Variants in SCAPER observed in about 807,000 individuals in gnomAD.
The protein encoded by SCAPER is S-phase cyclin A associated protein in the ER, also known as S phase cyclin A-associated protein in the endoplasmic reticulum.
In SCAPER, 98 loss-of-function variants were observed where a neutral mutation model predicts 182.2. The ratio of observed to expected loss-of-function variants is 0.54; its 90% confidence interval spans 0.46 to 0.64. The LOEUF (loss-of-function observed/expected upper bound fraction) is 0.64, where lower values mean the gene tolerates loss of function less well. SCAPER is among the 30% of genes least tolerant of loss of function. The pLI is 0.00. For synonymous variants in SCAPER, 605 were observed against 564.6 expected (o/e 1.07, Z -1.01); for missense variants, 1,432 against 1,690.0 (o/e 0.85, Z 2.68).
intron 23 of SCAPER, among the ~76,000 whole-genome samples, chr15:76,514,758 T>A (rs1403869405): frequency 6.6e-6 from 1 of 152,218 alleles, no homozygotes; most frequent in African/African-American, 2.4e-5. Flanking sequence ...GATGAGAACG[T>A]CCTGAAGTGA....
intron 4 of SCAPER, among the ~76,000 whole-genome samples, chr15:76,852,121 T>C (rs1568338414): frequency 6.6e-6 from 1 of 152,066 alleles, no homozygotes; most frequent in Non-Finnish European, 1.5e-5. Context: ...GATAAAAGAT[T>C]CAATTCAACA....
In SCAPER at chr15:76,834,472, A is replaced by G. The variant is rs530105621; in HGVS notation, c.393+7262T>C. ...AAAAACACACGGGCAAACCAACCCC[A>G]AAACTAGCAAAAGAAAATAAATAAC... On this transcript the variant is annotated intron_variant, in intron 5 of 31. Transcript: ENST00000563290. Among the ~76,000 whole-genome samples the G allele has an allele frequency of 3.3e-4, 51 of 152,288 alleles. 1 individual carries two copies. Among genetic ancestry groups the G allele is most frequent in the Middle Eastern group, 6.8e-3 (2 of 294 alleles).
intron 16 of SCAPER, 121 bp downstream of exon 16, chr15:76,733,108 T>C: frequency 1.1e-6 from 1 of 896,868 alleles, no homozygotes; most frequent in Non-Finnish European, 1.7e-6. Context: ...TTGTCTTATG[T>C]CTTTATTTCT....
At chr15:76,819,796 T>C (rs2067378335) in intron 5 of SCAPER, among the ~76,000 whole-genome samples, 1 of 151,850 alleles carries the variant, frequency 6.6e-6, no homozygotes, top group Admixed American at 6.6e-5. Context: ...ACCATCAGAG[T>C]GAACAGGCAA....
At chr15:76,455,323 T>C (rs550181605) in intron 25 of SCAPER, among the ~76,000 whole-genome samples, 73 of 152,376 alleles carry the variant, frequency 4.8e-4, no homozygotes, top group African/African-American at 1.8e-3. Flanking sequence ...TTGTAGTTTA[T>C]TGCTCTTGAG....
intron 23 of SCAPER, among the ~76,000 whole-genome samples, chr15:76,561,041 T>G (rs140812654): frequency 6.6e-6 from 1 of 152,178 alleles, no homozygotes; most frequent in African/African-American, 2.4e-5. Flanking sequence ...AGTGTCATTA[T>G]TTCCGAGAAC....
chr15:76,877,454 G>A (rs1223157142), intron 2 of SCAPER, among the ~76,000 whole-genome samples: 1 of 152,066 alleles, frequency 6.6e-6, no homozygotes, highest in African/African-American at 2.4e-5. Flanking sequence ...ACACAGCCTC[G>A]AAGTGCTTCT....
chr15:76,775,705 T>G (rs191235526), intron 8 of SCAPER, among the ~76,000 whole-genome samples: 4 of 152,176 alleles, frequency 2.6e-5, no homozygotes, highest in Admixed American at 2.0e-4. Flanking sequence ...TTAAATAAAC[T>G]ATTTTTAGGA....
Position 76,599,872 on chromosome 15 carries a change from T to C in SCAPER, c.2711+21892A>G, listed in dbSNP as rs1022877656. Among the ~76,000 whole-genome samples the C allele has an allele frequency of 4.9e-5, 6 of 121,820 alleles. 1 individual carries two copies. The highest frequency in any genetic ancestry group is 1.5e-4 in the African/African-American group (6 of 39,812). 79.9% of individuals were successfully genotyped at this position (121,820 alleles called of 152,430 possible). On this transcript the variant is annotated intron_variant, in intron 22 of 31. Transcript: ENST00000563290. ...TCTGCATTTGTCAAAATTTATCAAA[T>C]GTCACCCTTAAGATCTGCGCATTTT...
intron 17 of SCAPER, among the ~76,000 whole-genome samples, chr15:76,720,588 C>T (rs1226063949): frequency 6.6e-6 from 1 of 152,112 alleles, no homozygotes; most frequent in Non-Finnish European, 1.5e-5. Flanking sequence ...TCTCCAGCAC[C>T]TGCTGTTTCC....
At chr15:76,866,011 G>A (rs2072266544) in intron 2 of SCAPER, among the ~76,000 whole-genome samples, 1 of 152,106 alleles carries the variant, frequency 6.6e-6, no homozygotes, top group African/African-American at 2.4e-5. Flanking sequence ...TCCAATCAAT[G>A]TAACACCAGA....
chr15:76,830,336 C>T (rs1456741679), intron 5 of SCAPER, among the ~76,000 whole-genome samples: 1 of 152,102 alleles, frequency 6.6e-6, no homozygotes, highest in Non-Finnish European at 1.5e-5. Context: ...TGAACAACTA[C>T]AATCAAAGTA....
At chr15:76,883,927 TAATTATTC>T in intron 1 of SCAPER, 51 bp from the exon 2 acceptor site, 1 of 839,812 alleles carries the variant, frequency 1.2e-6, no homozygotes, top group Non-Finnish European at 1.8e-6. Flanking sequence ...CAGAAAACCA[TAATTATTC>T]ATAAAAAGAT....
chr15:76,526,122 T>A (rs1443748348), intron 23 of SCAPER, among the ~76,000 whole-genome samples: 2 of 152,320 alleles, frequency 1.3e-5, no homozygotes, highest in East Asian at 3.9e-4. Flanking sequence ...TATATCCTAT[T>A]CCTTCCCTCT....
chr15:76,609,044 C>T (rs1567588300), intron 22 of SCAPER, among the ~76,000 whole-genome samples: 1 of 152,212 alleles, frequency 6.6e-6, no homozygotes, highest in Non-Finnish European at 1.5e-5. Flanking sequence ...CCCCTACTGT[C>T]TGGCACTCCC....
At chr15:76,756,212 C>T (rs963209119) in intron 14 of SCAPER, among the ~76,000 whole-genome samples, 10 of 129,454 alleles carry the variant, frequency 7.7e-5, no homozygotes, top group African/African-American at 2.3e-4. Flanking sequence ...CCACAGCACT[C>T]CAGCCTGGGC....
At chr15:76,407,270 C>A (rs920515821) in intron 26 of SCAPER, among the ~76,000 whole-genome samples, 8 of 152,094 alleles carry the variant, frequency 5.3e-5, no homozygotes, top group African/African-American at 1.4e-4. Flanking sequence ...CTGCAGGGAA[C>A]AATGCAGGCA....
At chr15:76,502,266 G>A (rs983560700) in intron 24 of SCAPER, among the ~76,000 whole-genome samples, 2 of 152,090 alleles carry the variant, frequency 1.3e-5, no homozygotes, top group South Asian at 4.1e-4. Context: ...GGGTCAAATG[G>A]TATTTCTAGT....
At chr15:76,440,424 A>G (rs2047484775) in intron 25 of SCAPER, among the ~76,000 whole-genome samples, 1 of 152,220 alleles carries the variant, frequency 6.6e-6, no homozygotes, top group Non-Finnish European at 1.5e-5. Flanking sequence ...ATAGAAATCT[A>G]TTGTTCTGTA....
Sources: gnomAD v4.1 joint callset for allele counts (sites outside exome capture counted in the v4.1 genomes callset) on GRCh38, gnomAD v4.1.1 for gene constraint, MANE v1.5 for transcripts, NCBI Gene and HGNC (gene_info 2026-07-23, HGNC 2026-07-21) for gene names.